CSMD1: variants seen among roughly 807,000 people sequenced by gnomAD.
CSMD1 encodes CUB and sushi domain-containing protein 1.
In CSMD1, 213 loss-of-function variants were observed where a neutral mutation model predicts 417.5. That is an observed-to-expected ratio of 0.51 (90% CI 0.46 to 0.57). CSMD1 has a LOEUF of 0.57. CSMD1 is among the 20% of genes least tolerant of loss of function. CSMD1 has a pLI of 0.00. For synonymous variants in CSMD1, 2,862 were observed against 1,736.8 expected, an observed-to-expected ratio of 1.65 and a Z score of -16.11; for missense variants, 6,923 against 4,529.7, an observed-to-expected ratio of 1.53 and a Z score of -15.17.
chr8:3,225,524 G>C (rs927082378), intron 27 of CSMD1, among the ~76,000 whole-genome samples: 7 of 152,150 alleles, frequency 4.6e-5, no homozygotes, highest in Admixed American at 3.9e-4. Flanking sequence ...CGATCAGGGA[G>C]CGGGAGCTGA....
chr8:3,531,027 T>A (rs1314560801), intron 10 of CSMD1, among the ~76,000 whole-genome samples: 1 of 151,186 alleles, frequency 6.6e-6, no homozygotes, highest in Admixed American at 6.6e-5. Flanking sequence ...TAATTTTTTT[T>A]TTTTTGTATT....
chr8:4,550,821 T>A (rs1797838988), intron 2 of CSMD1, among the ~76,000 whole-genome samples: 1 of 152,130 alleles, frequency 6.6e-6, no homozygotes, highest in African/African-American at 2.4e-5. Flanking sequence ...CACCAATTGG[T>A]CCAAGTCGAC....
chr8:3,130,351 G>C (rs1384914753), intron 41 of CSMD1, among the ~76,000 whole-genome samples: 1 of 152,060 alleles, frequency 6.6e-6, no homozygotes, highest in Non-Finnish European at 1.5e-5. Context: ...AGCCAGACGA[G>C]GCGATGCAGG....
intron 4 of CSMD1, among the ~76,000 whole-genome samples, chr8:4,006,829 T>C (rs891335736): frequency 2.1e-5 from 3 of 140,966 alleles, no homozygotes; most frequent in African/African-American, 8.0e-5. Flanking sequence ...TCCTATTTTT[T>C]TTTTTTTTTT....
chr8:3,802,592 A>T (rs1269878573), intron 5 of CSMD1, among the ~76,000 whole-genome samples: 6 of 152,206 alleles, frequency 3.9e-5, no homozygotes, highest in Admixed American at 2.6e-4. Flanking sequence ...TTATTGCAGG[A>T]TGTAATTCAC....
chr8:3,485,573 A>G (rs1817982984), intron 11 of CSMD1, among the ~76,000 whole-genome samples: 1 of 150,728 alleles, frequency 6.6e-6, no homozygotes, highest in African/African-American at 2.5e-5. Context: ...AGGGAGAGAG[A>G]GAAACACAAA....
At chr8:3,575,169 G>GA (rs2088775039) in intron 9 of CSMD1, 103 bp from the exon 10 acceptor site, 1 of 706,388 alleles carries the variant, frequency 1.4e-6, no homozygotes, top group African/African-American at 4.6e-5. Flanking sequence ...TCTAATCACA[G>GA]TAAAAAAAAA....
intron 2 of CSMD1, among the ~76,000 whole-genome samples, chr8:4,633,005 T>A (rs1294491498): frequency 1.3e-5 from 2 of 152,032 alleles, no homozygotes; most frequent in African/African-American, 4.8e-5. Flanking sequence ...TGGACTTTCT[T>A]GAATTTCAGG....
chr8:4,742,222 G>C (rs957751474), intron 1 of CSMD1, among the ~76,000 whole-genome samples: 1 of 150,842 alleles, frequency 6.6e-6, no homozygotes, highest in South Asian at 2.1e-4. Context: ...AGTAGAGACG[G>C]GGTTTCACCT....
chr8:4,287,760 A>C (rs1356119572), intron 3 of CSMD1, among the ~76,000 whole-genome samples: 2 of 151,770 alleles, frequency 1.3e-5, no homozygotes, highest in African/African-American at 4.8e-5. Flanking sequence ...CTGAAAGTGG[A>C]CCCGGTCGGT....
rs374008718 is a variant in CSMD1, at chr8:4,759,172, A to G, written c.86-121614T>C. ...TAAAGGCCTCAGCCTGCCTGCAGCT[A>G]TAATTCTTGTTAGTGTTGTCTTGAC... On this transcript the variant is annotated intron_variant, in intron 1 of 69. Coordinates refer to ENST00000635120, the MANE Select transcript of CSMD1 (RefSeq NM_033225.6). 1.1e-4 allele frequency among the ~76,000 whole-genome samples: 16 copies of G among 152,296 alleles called. No individual in the cohort carries two copies. The East Asian group carries it at 2.7e-3, about 26-fold the overall frequency.
intron 2 of CSMD1, among the ~76,000 whole-genome samples, chr8:4,636,723 G>A (rs1802832712): frequency 1.3e-5 from 2 of 152,100 alleles, no homozygotes; most frequent in Admixed American, 1.3e-4. Context: ...TTTAAGTATA[G>A]AAAAAGTATG....
intron 1 of CSMD1, among the ~76,000 whole-genome samples, chr8:4,962,691 G>A (rs992253622): frequency 6.6e-6 from 1 of 152,162 alleles, no homozygotes; most frequent in Non-Finnish European, 1.5e-5. Flanking sequence ...CATGTGGGTG[G>A]AAGGGATGTG....
At chr8:4,160,862 G>A (rs189178108) in intron 3 of CSMD1, among the ~76,000 whole-genome samples, 1 of 152,176 alleles carries the variant, frequency 6.6e-6, no homozygotes, top group Non-Finnish European at 1.5e-5. Context: ...TTTCCTTAAG[G>A]AGAAATTCTA....
intron 3 of CSMD1, among the ~76,000 whole-genome samples, chr8:4,190,813 C>G (rs1165699034): frequency 1.3e-5 from 2 of 152,084 alleles, no homozygotes; most frequent in African/African-American, 4.8e-5. Flanking sequence ...ATGGATGGAG[C>G]TGGGGGCCAT....
Position 3,907,977 on chromosome 8 carries a change from G to A in CSMD1, c.818+89926C>T, listed in dbSNP as rs139287232. On this transcript the variant is annotated intron_variant, in intron 5 of 69. Coordinates refer to ENST00000635120, the MANE Select transcript of CSMD1 (RefSeq NM_033225.6). ...GTGGGGAGAGTGGTAATTTGCTGGGGCCAGAAATGTGCTCTGATATGTTCA... is the reference window on the plus strand; with the variant it reads ...GTGGGGAGAGTGGTAATTTGCTGGGACCAGAAATGTGCTCTGATATGTTCA... 6.0e-4 allele frequency among the ~76,000 whole-genome samples: 92 copies of A among 152,194 alleles called. 1 individual carries two copies. The East Asian group carries it at 0.016, about 26-fold the overall frequency.
intron 5 of CSMD1, among the ~76,000 whole-genome samples, chr8:3,916,116 A>C (rs1460483723): frequency 1.3e-5 from 2 of 151,986 alleles, no homozygotes; most frequent in Admixed American, 1.3e-4. Context: ...AAAAAAGATA[A>C]CATGCCAGTA....
Position 3,264,951 on chromosome 8 carries a change from C to T in CSMD1, c.4153+19193G>A, listed in dbSNP as rs151075548. ...GTATAGCTTATATATTCTTTAATAA[C>T]GATGAATGCTGCTAAGTATATTACC... On this transcript the variant is annotated intron_variant, in intron 26 of 69. Transcript: ENST00000635120. Among the ~76,000 whole-genome samples the T allele has an allele frequency of 5.9e-5, 9 of 152,154 alleles. No individual in the cohort carries two copies. The East Asian group carries it at 1.5e-3, about 26-fold the overall frequency.
At chr8:4,404,479 G>T (rs1475571609) in intron 3 of CSMD1, among the ~76,000 whole-genome samples, 1 of 152,072 alleles carries the variant, frequency 6.6e-6, no homozygotes, top group East Asian at 1.9e-4. Context: ...TATGTTTGAG[G>T]CATATTGAGT....
Sources: allele counts gnomAD v4.1 joint callset (sites outside exome capture counted in the v4.1 genomes callset), GRCh38; gene constraint gnomAD v4.1.1; transcripts MANE v1.5; gene names NCBI Gene and HGNC (gene_info 2026-07-23, HGNC 2026-07-21).